GNA11: variants seen among roughly 807,000 people sequenced by gnomAD.
GNA11 encodes guanine nucleotide-binding protein subunit alpha-11.
In GNA11, 8 loss-of-function variants were observed where a neutral mutation model predicts 38.2. The observed-to-expected ratio is 0.21, with a 90% CI of 0.12 to 0.38. The LOEUF (loss-of-function observed/expected upper bound fraction) is 0.38. Among genes scored for constraint, GNA11 ranks in the 10% least tolerant of loss-of-function variants. The probability of loss-of-function intolerance (pLI) is 1.00; values close to 1 mark genes in which losing one functional copy is unlikely to be tolerated. For synonymous variants in GNA11, 211 were observed against 221.4 expected (o/e 0.95, Z 0.42); for missense variants, 268 against 516.3 (o/e 0.52, Z 4.66).
intron 1 of GNA11, among the ~76,000 whole-genome samples, chr19:3,097,758 C>T (rs1425421033): frequency 6.6e-6 from 1 of 152,240 alleles, no homozygotes; most frequent in Non-Finnish European, 1.5e-5. Flanking sequence ...GTTCACGCCT[C>T]AGATGGGCCT....
At position 3,113,553 on chromosome 19, in the gene GNA11, A is replaced by G. The variant is rs964291648; in HGVS notation, c.476+69A>G. Reference sequence around the variant, plus strand: ...GGGCCGGTGCCTGGGACCCTTCGGGAAGGCCTCCGCGGCGTCTGTGGTGCC... The same window carrying G: ...GGGCCGGTGCCTGGGACCCTTCGGGGAGGCCTCCGCGGCGTCTGTGGTGCC... On this transcript the variant is annotated intron_variant, in intron 3 of 6. Coordinates refer to ENST00000078429, the MANE Select transcript of GNA11 (RefSeq NM_002067.5). 11 of 1,262,602 alleles carry G rather than the reference A, an allele frequency of 8.7e-6. No individual in the cohort carries two copies. In the African/African-American group the frequency reaches 1.4e-4, roughly 16 times the overall value. 78.2% of individuals were successfully genotyped at this position (1,262,602 alleles called of 1,614,324 possible). A position where few individuals can be genotyped will look rare whatever the true frequency, so the allele number is the denominator to read the frequency against.
chr19:3,119,087 G>T lies in GNA11; in HGVS notation c.735+34G>T, dbSNP rs1568284970. ...TGCCCTGAGCAGGGGCAGCGTTGGG[G>T]GCCGGGCCTTCCCCACCTGCCAAGC... On this transcript the variant is annotated intron_variant, in intron 5 of 6. Transcript: ENST00000078429. This position sits in a 1 kb window ranked among gnomAD's most constrained non-coding sequence, Gnocchi z 4.6. 2 of 1,609,706 alleles carry T rather than the reference G, an allele frequency of 1.2e-6. 1 individual carries two copies. The highest frequency in any genetic ancestry group is 2.2e-5 in the South Asian group (2 of 91,014).
chr19:3,121,341 A>G lies in GNA11; in HGVS notation c.*162A>G. On this transcript the variant is annotated 3_prime_UTR_variant, in exon 7 of 7. Transcript: ENST00000078429. ...ATTTTTAACAAATGGTTTTTATTTC[A>G]CAGTTATCAGGGGATGTACATCTCT... The G allele has an allele frequency of 1.7e-6, 1 of 582,888 alleles. No individual in the cohort carries two copies. Among genetic ancestry groups the G allele is most frequent in the South Asian group, 2.1e-5 (1 of 47,402 alleles). The allele number at this position is 582,888 out of a possible 1,614,324, so 36.1% of individuals were successfully genotyped here.
At chr19:3,097,502 G>A (rs1004096290) in intron 1 of GNA11, among the ~76,000 whole-genome samples, 2 of 152,202 alleles carry the variant, frequency 1.3e-5, no homozygotes, top group African/African-American at 4.8e-5. Flanking sequence ...CTCTGGGGCA[G>A]CAGGGCTCCA....
At chr19:3,101,497 G>A (rs1702715706) in intron 1 of GNA11, among the ~76,000 whole-genome samples, 1 of 152,230 alleles carries the variant, frequency 6.6e-6, no homozygotes, top group Non-Finnish European at 1.5e-5. Context: ...AGTCCCACTG[G>A]ATGCGGCGAG....
chr19:3,120,974 T>C lies in GNA11; in HGVS notation c.890-15T>C, dbSNP rs772376276. 2 of 1,606,022 alleles carry C rather than the reference T, an allele frequency of 1.2e-6. No individual in the cohort carries two copies. The highest frequency in any genetic ancestry group is 4.5e-5 in the East Asian group (2 of 44,804). On this transcript the variant is annotated splice_polypyrimidine_tract_variant and intron_variant, in intron 6 of 6. Transcript: ENST00000078429. This position sits in a 1 kb window ranked among gnomAD's most constrained non-coding sequence, Gnocchi z 5.9. The stretch of plus-strand genomic sequence containing the variant: ...GCCGGGCTGGGGCACAGCCTCACCC[T>C]CTGCCCTCCCCCAGGTCCCCAGCGG...
chr19:3,100,426 C>A (rs1229115073), intron 1 of GNA11, among the ~76,000 whole-genome samples: 1 of 152,248 alleles, frequency 6.6e-6, no homozygotes, highest in Non-Finnish European at 1.5e-5. Flanking sequence ...CCCCTGCTTC[C>A]CTGCCCATGT....
chr19:3,106,253 C>T (rs1913636289), intron 1 of GNA11, among the ~76,000 whole-genome samples: 2 of 152,166 alleles, frequency 1.3e-5, no homozygotes, highest in African/African-American at 4.8e-5. Context: ...AGGCAGGACC[C>T]AGGCATTCAG....
intron 1 of GNA11, among the ~76,000 whole-genome samples, chr19:3,106,705 G>C (rs1913647463): frequency 6.6e-6 from 1 of 152,284 alleles, no homozygotes; most frequent in Non-Finnish European, 1.5e-5. Context: ...GTACATGCAT[G>C]TGTGCGTGCA....
rs767395295 is a variant in GNA11, at chr19:3,118,946, C to A, written c.628C>A (p.Arg210=). The change falls in exon 5 of 7, where the codon CGG becomes AGG. Residue 210 remains arginine (R), a synonymous_variant. Transcript: ENST00000078429. ...CAGGATGGTGGATGTGGGGGGCCAGCGGTCGGAGCGGAGGAAGTGGATCCA... is the reference window on the plus strand; with the variant it reads ...CAGGATGGTGGATGTGGGGGGCCAGAGGTCGGAGCGGAGGAAGTGGATCCA... ...IFRMVDVGGQ[R]SERRKWIHCF... The A allele has an allele frequency of 2.5e-6, 4 of 1,613,444 alleles. No individual in the cohort carries two copies. The highest frequency in any genetic ancestry group is 3.4e-6 in the Non-Finnish European group (4 of 1,179,412).
chr19:3,094,536 GGTGGCCGA>G lies in GNA11; in HGVS notation c.-114_-107del. The G allele has an allele frequency of 4.1e-6, 1 of 241,518 alleles. No individual in the cohort carries two copies. Among genetic ancestry groups the G allele is most frequent in the African/African-American group, 2.4e-5 (1 of 40,914 alleles). The allele number at this position is 241,518 out of a possible 1,614,324, so 15.0% of individuals were successfully genotyped here. A position where few individuals can be genotyped will look rare whatever the true frequency, so the allele number is the denominator to read the frequency against. ...GCGGGCCGGCCCGGGGCCGAGGGCC[GGTGGCCGA>G]GGCCGGAGGGCCGCGGCGGGCGGCG... On this transcript the variant is annotated 5_prime_UTR_variant, in exon 1 of 7. Transcript: ENST00000078429. This position sits in a 1 kb window ranked among gnomAD's most constrained non-coding sequence, Gnocchi z 6.0.
intron 1 of GNA11, among the ~76,000 whole-genome samples, chr19:3,109,628 T>TGTGGCC (rs1555701532): frequency 2.0e-5 from 3 of 152,126 alleles, no homozygotes; most frequent in Non-Finnish European, 4.4e-5. Flanking sequence ...CAGGGGGCAG[T>TGTGGCC]GTGGCCGTGG....
chr19:3,094,624 G>C lies in GNA11; in HGVS notation c.-28G>C. 8.6e-7 allele frequency: 1 copy of C among 1,161,720 alleles called. No individual in the cohort carries two copies. The highest frequency in any genetic ancestry group is 1.1e-6 in the Non-Finnish European group (1 of 924,530). The allele number at this position is 1,161,720 out of a possible 1,614,324, so 72.0% of individuals were successfully genotyped here. Reference sequence around the variant, plus strand: ...GGGGGCCGGGGGGCGGCGGCGGGCAGGCGGCCGCGTCGGCCGGGGCCGGGA... The same window carrying C: ...GGGGGCCGGGGGGCGGCGGCGGGCACGCGGCCGCGTCGGCCGGGGCCGGGA... On this transcript the variant is annotated 5_prime_UTR_variant, in exon 1 of 7. Transcript: ENST00000078429. The surrounding 1 kb of genome is among the most constrained non-coding windows in gnomAD (Gnocchi z 6.0).
At chr19:3,099,749 G>GGTCCAGCCTGGCCTCCCGCA (rs1231280800) in intron 1 of GNA11, among the ~76,000 whole-genome samples, 1 of 152,222 alleles carries the variant, frequency 6.6e-6, no homozygotes, top group Admixed American at 6.5e-5. Context: ...GGGGGTTCCT[G>GGTCCAGCCTGGCCTCCCGCA]GTCCAGCCTG....
chr19:3,099,216 G>T (rs1000140426), intron 1 of GNA11, among the ~76,000 whole-genome samples: 1 of 147,258 alleles, frequency 6.8e-6, no homozygotes, highest in African/African-American at 2.5e-5. Flanking sequence ...GGCGCTCGCG[G>T]GGCCTGCTCG....
intron 3 of GNA11, among the ~76,000 whole-genome samples, chr19:3,114,399 G>A (rs779794776): frequency 1.1e-4 from 17 of 152,208 alleles, no homozygotes; most frequent in African/African-American, 2.4e-4. Flanking sequence ...GGAATCAAGC[G>A]TGGACTTCAG....
Position 3,114,956 on chromosome 19 carries a change from C to T in GNA11, c.489C>T (p.Asp163=), listed in dbSNP as rs141926949. Residue 163 remains aspartate (D), a synonymous_variant, in exon 4 of 7, where the codon GAC becomes GAT. Transcript: ENST00000078429. ...LSDSAKYYLT[D]VDRIATLGYL... ...CGCTGTGTTGCAGCTACCTGACCGA[C>T]GTTGACCGCATCGCCACCTTGGGCT... The T allele has an allele frequency of 9.2e-5, 148 of 1,612,062 alleles. No homozygotes were observed. In the East Asian group the frequency reaches 1.9e-3, roughly 21 times the overall value.
chr19:3,104,447 G>A (rs927665104), intron 1 of GNA11, among the ~76,000 whole-genome samples: 4 of 152,218 alleles, frequency 2.6e-5, no homozygotes, highest in African/African-American at 9.6e-5. Context: ...CCTGTGGCAG[G>A]CCCACCAGGA....
chr19:3,106,744 A>G (rs2145312334), intron 1 of GNA11, among the ~76,000 whole-genome samples: 1 of 151,436 alleles, frequency 6.6e-6, no homozygotes, highest in African/African-American at 2.5e-5. Context: ...ATGTACATGC[A>G]TGCATACATG....
Sources: allele counts gnomAD v4.1 joint callset (sites outside exome capture counted in the v4.1 genomes callset), GRCh38; gene constraint gnomAD v4.1.1; non-coding constraint Gnocchi (gnomAD v3.1); transcripts MANE v1.5; gene names NCBI Gene and HGNC (gene_info 2026-07-23, HGNC 2026-07-21).